ZNF717: variants seen among roughly 807,000 people sequenced by gnomAD.
ZNF717 encodes the protein krueppel-like factor X17.
A neutral mutation model predicts 13.8 loss-of-function variants in ZNF717; 9 were observed. That is an observed-to-expected ratio of 0.65 (90% confidence interval 0.39 to 1.14). The LOEUF (loss-of-function observed/expected upper bound fraction) is 1.14. Among genes scored for constraint, ZNF717 ranks in the 50% most tolerant of loss-of-function variants. The pLI is 0.01. For missense variants in ZNF717, 1,040 were observed against 1,080.7 expected, an observed-to-expected ratio of 0.96 and a Z score of 0.53; for synonymous variants, 327 against 364.1, an observed-to-expected ratio of 0.90 and a Z score of 1.16.
intron 2 of ZNF717, among the ~76,000 whole-genome samples, chr3:75,776,042 A>G (rs1230852166): frequency 6.6e-5 from 10 of 152,268 alleles, no homozygotes; most frequent in East Asian, 3.8e-4. Flanking sequence ...CAAATTACCT[A>G]TAACTCTTCA....
At chr3:75,749,424 C>T (rs1301442639) in intron 2 of ZNF717, among the ~76,000 whole-genome samples, 10 of 152,118 alleles carry the variant, frequency 6.6e-5, no homozygotes, top group African/African-American at 2.4e-4. Flanking sequence ...GATTCAACAA[C>T]ACTCCTGCTG....
chr3:75,766,671 G>T (rs1365905795), intron 2 of ZNF717, among the ~76,000 whole-genome samples: 2 of 152,238 alleles, frequency 1.3e-5, no homozygotes, highest in Admixed American at 1.3e-4. Context: ...AGATCTAAAT[G>T]ACAAAATCCT....
chr3:75,761,695 A>C (rs186568543), intron 2 of ZNF717, among the ~76,000 whole-genome samples: 6 of 152,402 alleles, frequency 3.9e-5, no homozygotes, highest in Non-Finnish European at 7.3e-5. Context: ...AACACACACA[A>C]GTCAGTTGCA....
At chr3:75,715,907 G>A (rs1456769604) in intron 5 of ZNF717, among the ~76,000 whole-genome samples, 3 of 152,074 alleles carry the variant, frequency 2.0e-5, no homozygotes, top group Admixed American at 2.0e-4. Context: ...ATAACCAGGT[G>A]GAGTCCCAGA....
At chr3:75,721,904 T>C (rs1245551644) in intron 4 of ZNF717, among the ~76,000 whole-genome samples, 1 of 152,108 alleles carries the variant, frequency 6.6e-6, no homozygotes, top group Non-Finnish European at 1.5e-5. Flanking sequence ...ACTTTATTCA[T>C]ATGTATTATT....
chr3:75,714,968 A>AT (rs1938016995), intron 5 of ZNF717, among the ~76,000 whole-genome samples: 1 of 152,186 alleles, frequency 6.6e-6, no homozygotes, highest in African/African-American at 2.4e-5. Flanking sequence ...AACAGATCTT[A>AT]TGGTTCTTTT....
At chr3:75,706,791 C>G (rs1293484467), downstream of ZNF717, among the ~76,000 whole-genome samples, 34 of 151,816 alleles carry the variant, frequency 2.2e-4, no homozygotes, top group South Asian at 6.2e-4. Flanking sequence ...GTATTAACTT[C>G]ATATTAGGTA....
At chr3:75,760,853 ACT>A (rs1159464792) in intron 2 of ZNF717, among the ~76,000 whole-genome samples, 2 of 152,060 alleles carry the variant, frequency 1.3e-5, no homozygotes, top group Non-Finnish European at 2.9e-5. Flanking sequence ...AAAAAAAAAC[ACT>A]GAGTTTGTTT....
chr3:75,752,654 G>C (rs796406646), intron 2 of ZNF717, among the ~76,000 whole-genome samples: 1 of 143,978 alleles, frequency 6.9e-6, no homozygotes, highest in African/African-American at 2.6e-5. Context: ...AATCACATAG[G>C]ATTCCAGAAC....
intron 4 of ZNF717, among the ~76,000 whole-genome samples, chr3:75,723,130 T>G (rs80210365): frequency 6.6e-6 from 1 of 151,262 alleles, no homozygotes; most frequent in African/African-American, 2.4e-5. Context: ...GAAAAACCCG[T>G]GTTTTGAAAA....
Position 75,749,922 on chromosome 3 carries a change from G to A in ZNF717, c.58-8186C>T, listed in dbSNP as rs201614701. Among the ~76,000 whole-genome samples the A allele has an allele frequency of 3.4e-3, 392 of 114,240 alleles. 2 individuals are homozygous for A. The highest frequency in any genetic ancestry group is 0.013 in the African/African-American group (381 of 29,320). The allele number at this position is 114,240 out of a possible 152,430, so 74.9% of individuals were successfully genotyped here. ...CAGAACACTGCTGTTGGGTTCTGAGGGTTTGTCCCTCACATAGGATTCCAG... is the reference window on the plus strand; with the variant it reads ...CAGAACACTGCTGTTGGGTTCTGAGAGTTTGTCCCTCACATAGGATTCCAG... On this transcript the variant is annotated intron_variant, in intron 2 of 4. Coordinates refer to ENST00000652011, the MANE Select transcript of ZNF717 (RefSeq NM_001290208.3).
At position 75,738,877 on chromosome 3, in the gene ZNF717, G is replaced by A. The variant is rs77971486; in HGVS notation, c.746C>T (p.Ser249Leu). 1 of 1,551,518 alleles carries A rather than the reference G, an allele frequency of 6.4e-7. No homozygotes were observed. Among genetic ancestry groups the A allele is most frequent in the Non-Finnish European group, 8.7e-7 (1 of 1,146,952 alleles). Residue 249 changes from serine to leucine, a missense_variant, in exon 5 of 5, where the codon TCA becomes TTA. By Grantham distance (145) the Ser-to-Leu change is moderately radical (BLOSUM62 -2). Transcript: ENST00000652011. ...YNEYEKACNNSAVIVQVITQV... is the reference protein window; with the variant it reads ...YNEYEKACNNLAVIVQVITQV... ...AGTTATCACTTGGACAATAACAGCTGAGTTATTACAGGCTTTCTCATATTC... is the reference window on the plus strand; with the variant it reads ...AGTTATCACTTGGACAATAACAGCTAAGTTATTACAGGCTTTCTCATATTC...
At chr3:75,749,333 C>T (rs541088678) in intron 2 of ZNF717, among the ~76,000 whole-genome samples, 20 of 152,004 alleles carry the variant, frequency 1.3e-4, no homozygotes, top group African/African-American at 4.6e-4. Flanking sequence ...CAGAACACTG[C>T]TGCTGGGTTC....
intron 2 of ZNF717, among the ~76,000 whole-genome samples, chr3:75,769,257 A>C (rs1943722855): frequency 1.3e-5 from 2 of 152,244 alleles, no homozygotes; most frequent in South Asian, 2.1e-4. Context: ...CCCTGGGAGA[A>C]GCCAGACAAA....
At position 75,737,878 on chromosome 3, in the gene ZNF717, T is replaced by C. The variant is rs1360427916; in HGVS notation, c.1745A>G (p.Gln582Arg). ...GGGTTTTTTGCCAGCATGAGTTCTC[T>C]GATGTATAGTTAGGAATGACTTACA... is the stretch of plus-strand genomic sequence containing the variant. ...FHCKSFLTIH[Q>R]RTHAGKKPYE... The change falls in exon 5 of 5, where the codon CAG becomes CGG. Residue 582 changes from glutamine (Q) to arginine (R), a missense_variant. This residue lies in a region of ZNF717 where 873 missense variants were observed against 832.8 expected (regional missense o/e 1.05). Coordinates refer to ENST00000652011, the MANE Select transcript of ZNF717 (RefSeq NM_001290208.3). 2.6e-6 allele frequency: 4 copies of C among 1,547,146 alleles called. No homozygotes were observed. In the African/African-American group the frequency reaches 4.1e-5, roughly 16 times the overall value.
intron 2 of ZNF717, among the ~76,000 whole-genome samples, chr3:75,761,807 G>T (rs1444547772): frequency 6.6e-6 from 1 of 152,196 alleles, no homozygotes; most frequent in Non-Finnish European, 1.5e-5. Context: ...GGAGGCCAAG[G>T]CGGGTGGACC....
At chr3:75,716,911 G>A (rs1938066995) in intron 4 of ZNF717, among the ~76,000 whole-genome samples, 3 of 152,150 alleles carry the variant, frequency 2.0e-5, no homozygotes, top group South Asian at 2.1e-4. Context: ...CACAAGTCCA[G>A]GGTAATTACA....
chr3:75,700,391 G>GAAAA (rs35600771), intron 6 of ZNF717, among the ~76,000 whole-genome samples: 90 of 112,646 alleles, frequency 8.0e-4, no homozygotes, highest in African/African-American at 2.1e-3. Context: ...AGACACCATC[G>GAAAA]AAAAAAAAAA....
chr3:75,757,025 A>T (rs1475689751), intron 2 of ZNF717, among the ~76,000 whole-genome samples: 1 of 152,268 alleles, frequency 6.6e-6, no homozygotes, highest in Non-Finnish European at 1.5e-5. Context: ...GCTGCAGAAG[A>T]AAAGTCTGAA....
Sources: allele counts gnomAD v4.1 joint callset (sites outside exome capture counted in the v4.1 genomes callset), GRCh38; gene constraint gnomAD v4.1.1; regional missense constraint gnomAD v4.1.1; transcripts MANE v1.5; gene names NCBI Gene and HGNC (gene_info 2026-07-23, HGNC 2026-07-21).